MCC: variants seen among roughly 807,000 people sequenced by gnomAD.
MCC encodes colorectal mutant cancer protein.
Under a neutral mutation model 116.2 loss-of-function variants are expected in MCC, and 90 were observed. The ratio of observed to expected loss-of-function variants is 0.77; its 90% CI spans 0.65 to 0.92. MCC has a LOEUF of 0.92. Among genes scored for constraint, MCC ranks in the 40% least tolerant of loss-of-function variants. MCC has a pLI of 0.00. For missense variants in MCC, 1,516 were observed against 1,312.2 expected, an observed-to-expected ratio of 1.16 and a Z score of -2.40; for synonymous variants, 578 against 510.5, an observed-to-expected ratio of 1.13 and a Z score of -1.78.
At chr5:113,140,855 T>C (rs1759136270) in intron 5 of MCC, among the ~76,000 whole-genome samples, 1 of 152,212 alleles carries the variant, frequency 6.6e-6, no homozygotes, top group South Asian at 2.1e-4. Context: ...CGGTGCCTAG[T>C]TCCTACTGCA....
chr5:113,353,319 G>A (rs1768329245), intron 2 of MCC, among the ~76,000 whole-genome samples: 1 of 152,112 alleles, frequency 6.6e-6, no homozygotes, highest in African/African-American at 2.4e-5. Flanking sequence ...ATGAGCACTA[G>A]CTTTGGCTTT....
intron 3 of MCC, among the ~76,000 whole-genome samples, chr5:113,197,913 G>A (rs951757660): frequency 6.6e-6 from 1 of 152,230 alleles, no homozygotes; most frequent in Admixed American, 6.5e-5. Context: ...GGAAAGCACA[G>A]AGGTGACACT....
chr5:113,107,208 C>CTT (rs746820475), intron 6 of MCC, among the ~76,000 whole-genome samples: 219 of 125,048 alleles, frequency 1.8e-3, no homozygotes, highest in African/African-American at 5.9e-3. Flanking sequence ...GCATGTTTTT[C>CTT]TTTTTTTTTT....
Position 113,309,037 on chromosome 5 carries a change from A to T in MCC, c.627+31482T>A, listed in dbSNP as rs552111875. Among the ~76,000 whole-genome samples the T allele has an allele frequency of 1.1e-4, 17 of 152,328 alleles. 1 individual carries two copies. Among genetic ancestry groups the T allele is most frequent in the Admixed American group, 8.5e-4 (13 of 15,304 alleles). ...GGCCATATTTTTAAAATGAAGCCAGAGTCAAATAATAAATCTCTTTATCAA... is the reference window on the plus strand; with the variant it reads ...GGCCATATTTTTAAAATGAAGCCAGTGTCAAATAATAAATCTCTTTATCAA... On this transcript the variant is annotated intron_variant, in intron 3 of 18. Coordinates refer to ENST00000408903, the MANE Select transcript of MCC (RefSeq NM_001085377.2).
chr5:113,162,538 C>A (rs879372554), intron 3 of MCC, among the ~76,000 whole-genome samples: 2 of 152,092 alleles, frequency 1.3e-5, no homozygotes, highest in South Asian at 2.1e-4. Context: ...ACTCTGTCAC[C>A]CAGGTTAGAA....
intron 3 of MCC, among the ~76,000 whole-genome samples, chr5:113,332,030 C>T (rs767152096): frequency 6.6e-6 from 1 of 151,610 alleles, no homozygotes; most frequent in Non-Finnish European, 1.5e-5. Context: ...ATGACAACAA[C>T]GTCATCTTGA....
chr5:113,322,061 A>G (rs1473752066), intron 3 of MCC, among the ~76,000 whole-genome samples: 1 of 152,052 alleles, frequency 6.6e-6, no homozygotes, highest in Non-Finnish European at 1.5e-5. Flanking sequence ...CAAACTCCTG[A>G]CCTCAGGTGA....
intron 1 of MCC, among the ~76,000 whole-genome samples, chr5:113,481,590 T>C (rs1772379564): frequency 6.6e-6 from 1 of 151,728 alleles, no homozygotes; most frequent in Non-Finnish European, 1.5e-5. Context: ...TACAAAAAAA[T>C]TAGCTGGGCG....
At chr5:113,417,468 T>A (rs994651833) in intron 1 of MCC, among the ~76,000 whole-genome samples, 1 of 152,192 alleles carries the variant, frequency 6.6e-6, no homozygotes, top group African/African-American at 2.4e-5. Context: ...GTCAGTGATT[T>A]CCCTGTGCAC....
intron 14 of MCC, among the ~76,000 whole-genome samples, chr5:113,058,443 C>A (rs1752987739): frequency 6.6e-6 from 1 of 152,134 alleles, no homozygotes; most frequent in Admixed American, 6.6e-5. Flanking sequence ...GGAGGTGGAG[C>A]CCAGCAATCT....
At chr5:113,279,267 T>C (rs1470997803) in intron 3 of MCC, among the ~76,000 whole-genome samples, 2 of 152,182 alleles carry the variant, frequency 1.3e-5, no homozygotes, top group East Asian at 1.9e-4. Flanking sequence ...CAATGTTCAA[T>C]GCTCAGAGTC....
intron 3 of MCC, among the ~76,000 whole-genome samples, chr5:113,315,442 C>T (rs746525938): frequency 5.3e-5 from 8 of 152,142 alleles, no homozygotes; most frequent in Non-Finnish European, 1.0e-4. Context: ...AAGACGTTGA[C>T]AATTTTAAAT....
chr5:113,396,477 A>G (rs916506107), intron 1 of MCC, among the ~76,000 whole-genome samples: 91 of 47,924 alleles, frequency 1.9e-3, no homozygotes, highest in African/African-American at 0.015. Flanking sequence ...CTAACAATAC[A>G]AAAAAAAAAA....
chr5:113,350,515 C>G (rs1396622860), intron 2 of MCC, among the ~76,000 whole-genome samples: 2 of 152,074 alleles, frequency 1.3e-5, no homozygotes, highest in Non-Finnish European at 2.9e-5. Flanking sequence ...AGACCCCTAT[C>G]TCTCACCATA....
chr5:113,242,934 C>G (rs1021519025), intron 3 of MCC, among the ~76,000 whole-genome samples: 3 of 152,278 alleles, frequency 2.0e-5, no homozygotes, highest in South Asian at 4.1e-4. Context: ...AGTTTCCTCT[C>G]CTCAGTGAGA....
At chr5:113,313,540 G>A (rs1003336775) in intron 3 of MCC, among the ~76,000 whole-genome samples, 2 of 152,108 alleles carry the variant, frequency 1.3e-5, no homozygotes, top group African/African-American at 4.8e-5. Context: ...TGGCAATGGC[G>A]AGCTACTAAG....
intron 3 of MCC, among the ~76,000 whole-genome samples, chr5:113,245,105 A>G (rs1202227888): frequency 1.3e-5 from 2 of 152,106 alleles, no homozygotes; most frequent in East Asian, 3.9e-4. Flanking sequence ...CAGCCCGACC[A>G]ATATGATGAA....
rs751700081 is a variant in MCC, at chr5:113,143,205, T to G, written c.884+13A>C. 1 of 1,585,702 alleles carries G rather than the reference T, an allele frequency of 6.3e-7. No individual in the cohort carries two copies. Among genetic ancestry groups the G allele is most frequent in the African/African-American group, 1.4e-5 (1 of 73,650 alleles). ...CAGAAGGGGCAGAGTAAAAGCCGAA[T>G]GGAGCCGCGTACCTGATGGTGGTGC... On this transcript the variant is annotated intron_variant, in intron 5 of 18. Transcript: ENST00000408903.
chr5:113,251,897 G>A (rs1414072442), intron 3 of MCC, among the ~76,000 whole-genome samples: 1 of 152,076 alleles, frequency 6.6e-6, no homozygotes, highest in Non-Finnish European at 1.5e-5. Flanking sequence ...GTGGCCTGAG[G>A]GGACATGCAA....
Sources: allele counts gnomAD v4.1 joint callset (sites outside exome capture counted in the v4.1 genomes callset), GRCh38; gene constraint gnomAD v4.1.1; transcripts MANE v1.5; gene names NCBI Gene and HGNC (gene_info 2026-07-23, HGNC 2026-07-21).